Variants in ZNF33B observed in about 807,000 individuals in gnomAD.
ZNF33B encodes the protein zinc finger protein 33B.
A neutral mutation model predicts 45.8 loss-of-function variants in ZNF33B; 29 were observed. The observed-to-expected ratio is 0.63, with a 90% confidence interval of 0.47 to 0.86. The LOEUF is 0.86. Ranked by LOEUF, ZNF33B falls within the 40% of genes least tolerant of loss-of-function variation. The probability of loss-of-function intolerance (pLI) is 0.00; values close to 1 mark genes in which losing one functional copy is unlikely to be tolerated. For missense variants in ZNF33B, 831 were observed against 909.9 expected, an observed-to-expected ratio of 0.91 and a Z score of 1.12; for synonymous variants, 305 against 307.8, an observed-to-expected ratio of 0.99 and a Z score of 0.10.
intron 4 of ZNF33B, among the ~76,000 whole-genome samples, chr10:42,601,978 T>A (rs1024194825): frequency 7.4e-6 from 1 of 134,312 alleles, no homozygotes; most frequent in African/African-American, 2.9e-5. Context: ...AGTGCAGAGG[T>A]GCAATCTTGG....
In ZNF33B at chr10:42,632,237, T is replaced by G. The variant is rs1589074114; in HGVS notation, c.154+58A>C. 17 of 1,571,422 alleles carry G rather than the reference T, an allele frequency of 1.1e-5. No homozygotes were observed. The East Asian group carries it at 3.6e-4, about 33-fold the overall frequency. On this transcript the variant is annotated intron_variant, in intron 3 of 4. Coordinates refer to ENST00000359467, the MANE Select transcript of ZNF33B (RefSeq NM_006955.3). ...CATTAAACTAGACAGACTGCCTATATGTTTTATAATCAAAATAAACGAATG... is the reference window on the plus strand; with the variant it reads ...CATTAAACTAGACAGACTGCCTATAGGTTTTATAATCAAAATAAACGAATG...
intron 4 of ZNF33B, among the ~76,000 whole-genome samples, chr10:42,601,468 G>GTTTTTTTTTTTTTTTT: frequency 1.3e-5 from 1 of 79,444 alleles, no homozygotes; most frequent in Non-Finnish European, 2.3e-5. Flanking sequence ...ACATGGGCTT[G>GTTTTTTTTTTTTTTTT]TTTTTTTTTT....
rs1301043795 is a variant in ZNF33B, at chr10:42,631,706, T to C, written c.250+223A>G. 1.6e-5 allele frequency: 8 copies of C among 486,550 alleles called. No individual in the cohort carries two copies. In the South Asian group the frequency reaches 2.4e-4, roughly 15 times the overall value. The allele number at this position is 486,550 out of a possible 1,614,324, so 30.1% of individuals were successfully genotyped here. A position where few individuals can be genotyped will look rare whatever the true frequency, so the allele number is the denominator to read the frequency against. On this transcript the variant is annotated intron_variant, in intron 4 of 4. Transcript: ENST00000359467. ...GGGCAAAGACTGAACTATTGGCAGG[T>C]GTAAGAATGGTAAACCTTCAAAAAA...
intron 4 of ZNF33B, among the ~76,000 whole-genome samples, chr10:42,595,716 C>T (rs967346878): frequency 1.3e-5 from 2 of 152,098 alleles, no homozygotes; most frequent in African/African-American, 2.4e-5. Context: ...CCACCACACC[C>T]GACCACTGGT....
chr10:42,598,009 TTC>T (rs1837470978), intron 4 of ZNF33B, among the ~76,000 whole-genome samples: 1 of 152,222 alleles, frequency 6.6e-6, no homozygotes, highest in Non-Finnish European at 1.5e-5. Flanking sequence ...TAAAGTTGAC[TTC>T]TTTGTTAATA....
chr10:42,586,138 A>G (rs1476956043), downstream of ZNF33B, among the ~76,000 whole-genome samples: 5 of 147,920 alleles, frequency 3.4e-5, no homozygotes, highest in Non-Finnish European at 7.4e-5. Flanking sequence ...GGCACAGGAT[A>G]ATTTTCCTCA....
At chr10:42,599,910 T>C (rs1227173992) in intron 4 of ZNF33B, among the ~76,000 whole-genome samples, 1 of 152,094 alleles carries the variant, frequency 6.6e-6, no homozygotes, top group Admixed American at 6.6e-5. Context: ...CAAAACACTT[T>C]CTAATTTCCT....
chr10:42,585,930 C>A (rs1836925370), downstream of ZNF33B, among the ~76,000 whole-genome samples: 1 of 152,090 alleles, frequency 6.6e-6, no homozygotes, highest in African/African-American at 2.4e-5. Flanking sequence ...GCTGTCTTTC[C>A]CACAATTATT....
At chr10:42,637,024 A>G in intron 1 of ZNF33B, 52 bp from the exon 2 acceptor site, 4 of 1,584,704 alleles carry the variant, frequency 2.5e-6, no homozygotes, top group Non-Finnish European at 3.5e-6. Flanking sequence ...CTGCCTGGCA[A>G]CTCCCGGATT....
At chr10:42,629,317 G>A (rs868158849) in intron 4 of ZNF33B, among the ~76,000 whole-genome samples, 5 of 152,124 alleles carry the variant, frequency 3.3e-5, no homozygotes, top group African/African-American at 7.2e-5. Flanking sequence ...GGGGTTGGGG[G>A]AAGGTGAGGA....
chr10:42,599,496 T>C (rs1837537000), intron 4 of ZNF33B, among the ~76,000 whole-genome samples: 1 of 149,700 alleles, frequency 6.7e-6, no homozygotes, highest in African/African-American at 2.5e-5. Context: ...TATGTATAAA[T>C]GCATACACAT....
chr10:42,584,230 T>C (rs554180579), downstream of ZNF33B, among the ~76,000 whole-genome samples: 2 of 152,326 alleles, frequency 1.3e-5, no homozygotes, highest in African/African-American at 4.8e-5. Flanking sequence ...GTCTCGTTTC[T>C]GGAATGTGTA....
Position 42,590,799 on chromosome 10 carries a change from A to G in ZNF33B, c.*1814T>C, listed in dbSNP as rs1300105542. Reference sequence around the variant, plus strand: ...GGCCTCTTTCACTTTTGGTATTAGCAGTATTTGTCTTCTGTTTTTTCTTAA... The same window carrying G: ...GGCCTCTTTCACTTTTGGTATTAGCGGTATTTGTCTTCTGTTTTTTCTTAA... On this transcript the variant is annotated 3_prime_UTR_variant, in exon 5 of 5. Coordinates refer to ENST00000359467, the MANE Select transcript of ZNF33B (RefSeq NM_006955.3). The G allele has an allele frequency of 6.6e-6, 1 of 152,020 alleles. No individual in the cohort carries two copies. The highest frequency in any genetic ancestry group is 1.5e-5 in the Non-Finnish European group (1 of 68,016). The allele number at this position is 152,020 out of a possible 1,614,324, so 9.4% of individuals were successfully genotyped here. A position where few individuals can be genotyped will look rare whatever the true frequency, so the allele number is the denominator to read the frequency against.
chr10:42,594,257 C>A lies in ZNF33B; in HGVS notation c.693G>T (p.Lys231Asn), dbSNP rs1837294949. The A allele has an allele frequency of 6.2e-7, 1 of 1,613,694 alleles. No individual in the cohort carries two copies. The highest frequency in any genetic ancestry group is 1.1e-5 in the South Asian group (1 of 91,082). ...YSICQETLLE[K>N]AVFNTRKREN... ...CTCTCTTCCGTGTATTGAATACTGC[C>A]TTTTCAAGGAGGGTTTCCTGACATA... The change falls in exon 5 of 5, where the codon AAG (lysine) becomes AAT (asparagine). Residue 231 changes from lysine (K) to asparagine (N), a missense_variant. Coordinates refer to ENST00000359467, the MANE Select transcript of ZNF33B (RefSeq NM_006955.3).
intron 1 of ZNF33B, chr10:42,578,529 C>T (rs904710338): frequency 1.4e-4 from 21 of 152,624 alleles, no homozygotes; most frequent in African/African-American, 4.6e-4. Flanking sequence ...CAGCCAAGCT[C>T]ACCTGCACAC....
rs1170139916 is a variant in ZNF33B at position 42,594,863 on chromosome 10, T to G, written c.251-164A>C. ...CATATTTTTTTGTATTTCATGAGTT[T>G]GGAGTGAAAAAACAAAAACAAAAAC... On this transcript the variant is annotated intron_variant, in intron 4 of 4. Coordinates refer to ENST00000359467, the MANE Select transcript of ZNF33B (RefSeq NM_006955.3). Among the ~76,000 whole-genome samples the G allele has an allele frequency of 3.9e-5, 6 of 152,144 alleles. No individual in the cohort carries two copies. In the East Asian group the frequency reaches 1.2e-3, roughly 29 times the overall value.
At chr10:42,586,185 G>A (rs1437160634), downstream of ZNF33B, among the ~76,000 whole-genome samples, 12 of 123,890 alleles carry the variant, frequency 9.7e-5, no homozygotes, top group South Asian at 2.4e-4. Flanking sequence ...ACGGAGTCTC[G>A]CTCTGTCATC....
chr10:42,597,950 T>C (rs1837468539), intron 4 of ZNF33B, among the ~76,000 whole-genome samples: 1 of 152,198 alleles, frequency 6.6e-6, no homozygotes, highest in African/African-American at 2.4e-5. Flanking sequence ...GAAACACCTG[T>C]TTATGCAGTA....
intron 2 of ZNF33B, 110 bp downstream of exon 2, chr10:42,636,810 A>C: frequency 6.7e-7 from 1 of 1,484,648 alleles, no homozygotes; most frequent in Non-Finnish European, 9.4e-7. Context: ...CCTGGGCGAC[A>C]GAGCGAGACT....
Sources: allele counts gnomAD v4.1 joint callset (sites outside exome capture counted in the v4.1 genomes callset), GRCh38; gene constraint gnomAD v4.1.1; transcripts MANE v1.5; gene names NCBI Gene and HGNC (gene_info 2026-07-23, HGNC 2026-07-21).